C12orf42: variants seen among roughly 807,000 people sequenced by gnomAD.
The protein encoded by C12orf42 is uncharacterized protein C12orf42.
C12orf42 carries 25 observed loss-of-function variants against 21.6 expected under a neutral mutation model. The observed-to-expected ratio is 1.16, with a 90% CI of 0.84 to 1.62. The LOEUF (loss-of-function observed/expected upper bound fraction) is 1.62. C12orf42 is among the 40% of genes most tolerant of loss of function. The probability of loss-of-function intolerance (pLI) is 0.00; values close to 1 mark genes in which losing one functional copy is unlikely to be tolerated. For missense variants in C12orf42, 483 were observed against 459.3 expected (o/e 1.05, Z -0.47); for synonymous variants, 174 against 175.0 (o/e 0.99, Z 0.05).
At chr12:103,203,929 G>A in the C12orf42 span, among the ~76,000 whole-genome samples, 1 of 152,112 alleles carries the variant, frequency 6.6e-6, no homozygotes, top group East Asian at 1.9e-4. Context: ...TTGATAGGAA[G>A]GACATTATTG....
intron 4 of C12orf42, among the ~76,000 whole-genome samples, chr12:103,293,627 G>C (rs2036962718): frequency 6.6e-6 from 1 of 152,044 alleles, no homozygotes; most frequent in Admixed American, 6.6e-5. Flanking sequence ...AAACCCTCCA[G>C]GCTGGTTGAG....
intron 2 of C12orf42, among the ~76,000 whole-genome samples, chr12:103,463,018 G>T (rs936699809): frequency 9.9e-5 from 15 of 152,148 alleles, no homozygotes; most frequent in Non-Finnish European, 2.2e-4. Flanking sequence ...CTCAGTTTCC[G>T]CTGTATTAAT....
the C12orf42 span, among the ~76,000 whole-genome samples, chr12:103,079,311 G>A: frequency 6.6e-6 from 1 of 152,084 alleles, no homozygotes; most frequent in East Asian, 1.9e-4. Context: ...TAAGCTATCA[G>A]GGCTGAGTTC....
chr12:103,416,919 AG>A (rs2049398175), intron 2 of C12orf42, among the ~76,000 whole-genome samples: 1 of 152,172 alleles, frequency 6.6e-6, no homozygotes, highest in South Asian at 2.1e-4. Context: ...AGTATGTGCA[AG>A]GAGAATGGAT....
intron 3 of C12orf42, among the ~76,000 whole-genome samples, chr12:103,400,543 T>C (rs1313664753): frequency 6.6e-6 from 1 of 152,226 alleles, no homozygotes; most frequent in Non-Finnish European, 1.5e-5. Context: ...AACACCATAT[T>C]GCAGGTGCCT....
chr12:103,402,341 C>T (rs888795148), intron 2 of C12orf42, among the ~76,000 whole-genome samples: 1 of 152,176 alleles, frequency 6.6e-6, no homozygotes, highest in African/African-American at 2.4e-5. Context: ...AGCTTACTTG[C>T]AATTTTACTT....
chr12:103,226,623 A>G, the C12orf42 span, among the ~76,000 whole-genome samples: 1 of 152,190 alleles, frequency 6.6e-6, no homozygotes, highest in African/African-American at 2.4e-5. Context: ...AGTCACGGAA[A>G]GAAACTGTAA....
intron 10 of C12orf42, among the ~76,000 whole-genome samples, chr12:103,254,437 G>GC (rs1253120443): frequency 6.6e-6 from 1 of 152,130 alleles, no homozygotes; most frequent in Non-Finnish European, 1.5e-5. Flanking sequence ...GCCTCTGAAG[G>GC]CATCACATTA....
chr12:103,220,431 C>A, the C12orf42 span, among the ~76,000 whole-genome samples: 1 of 152,134 alleles, frequency 6.6e-6, no homozygotes, highest in South Asian at 2.1e-4. Flanking sequence ...GAAAGACTGA[C>A]CAATAAATAT....
At chr12:103,225,784 G>A in the C12orf42 span, among the ~76,000 whole-genome samples, 1 of 152,192 alleles carries the variant, frequency 6.6e-6, no homozygotes, top group African/African-American at 2.4e-5. Context: ...AGTTATGGAG[G>A]CAAGGGAAAC....
At chr12:103,442,525 T>C (rs577408000) in intron 2 of C12orf42, among the ~76,000 whole-genome samples, 1 of 152,226 alleles carries the variant, frequency 6.6e-6, no homozygotes, top group African/African-American at 2.4e-5. Flanking sequence ...TATTCTATCA[T>C]TGCACCTTCC....
chr12:103,097,038 C>CA, the C12orf42 span, among the ~76,000 whole-genome samples: 1 of 152,160 alleles, frequency 6.6e-6, no homozygotes, highest in African/African-American at 2.4e-5. Flanking sequence ...GTTGTGTCCT[C>CA]ACAGCCTGGC....
chr12:103,216,208 G>C, the C12orf42 span, among the ~76,000 whole-genome samples: 2 of 152,228 alleles, frequency 1.3e-5, no homozygotes, highest in East Asian at 3.9e-4. Context: ...TTGGATTCTA[G>C]GAATAGGATT....
the C12orf42 span, among the ~76,000 whole-genome samples, chr12:103,053,783 G>T: frequency 1.3e-5 from 2 of 151,790 alleles, no homozygotes; most frequent in Non-Finnish European, 3.0e-5. Context: ...TACAAGATGT[G>T]AGACTTAGAT....
intron 2 of C12orf42, among the ~76,000 whole-genome samples, chr12:103,475,609 T>G (rs1163849278): frequency 6.6e-6 from 1 of 152,194 alleles, no homozygotes; most frequent in Non-Finnish European, 1.5e-5. Context: ...TGTCTGGGCA[T>G]TTTGCAAAGG....
chr12:103,543,637 T>C, the C12orf42 span, among the ~76,000 whole-genome samples: 1 of 152,094 alleles, frequency 6.6e-6, no homozygotes, highest in African/African-American at 2.4e-5. Flanking sequence ...TAAAACACTT[T>C]AATCCAATCA....
At chr12:103,227,299 G>T in the C12orf42 span, among the ~76,000 whole-genome samples, 2 of 151,910 alleles carry the variant, frequency 1.3e-5, no homozygotes, top group African/African-American at 4.8e-5. Context: ...GGACTAGGGT[G>T]CAGAGATATA....
chr12:103,050,219 GGTGTGTGTGT>G, the C12orf42 span, among the ~76,000 whole-genome samples: 33 of 148,744 alleles, frequency 2.2e-4, no homozygotes, highest in African/African-American at 5.9e-4. Context: ...TTTTCTCACA[GGTGTGTGTGT>G]GTGTGTGTGT....
chr12:103,086,007 C>T, the C12orf42 span, among the ~76,000 whole-genome samples: 4 of 152,198 alleles, frequency 2.6e-5, no homozygotes, highest in Non-Finnish European at 5.9e-5. Flanking sequence ...GTTCAGCACA[C>T]GGAGCTCCAA....
Sources: gnomAD v4.1 joint callset for allele counts (sites outside exome capture counted in the v4.1 genomes callset) on GRCh38, gnomAD v4.1.1 for gene constraint, MANE v1.5 for transcripts, NCBI Gene and HGNC (gene_info 2026-07-23, HGNC 2026-07-21) for gene names.